The following USP26 variants were observed in gnomAD, a reference collection of about 807,000 sequenced individuals.
USP26 encodes the protein ubiquitin specific peptidase 26, also known as ubiquitin carboxyl-terminal hydrolase 26.
For synonymous variants in USP26, 236 were observed against 240.6 expected, an observed-to-expected ratio of 0.98 and a Z score of 0.18; for missense variants, 649 against 642.3, an observed-to-expected ratio of 1.01 and a Z score of -0.11.
intron 4 of USP26, among the ~76,000 whole-genome samples, chrX:133,084,814 A>G (rs2067583384): frequency 9.0e-6 from 1 of 111,051 alleles, no homozygotes; most frequent in African/African-American, 3.3e-5. Flanking sequence ...TTTAGTGGTG[A>G]TGTGTGAGAT....
At chrX:133,065,407 C>A (rs1052492242) in intron 5 of USP26, among the ~76,000 whole-genome samples, 1 of 111,665 alleles carries the variant, frequency 9.0e-6, no homozygotes, top group African/African-American at 3.3e-5. Flanking sequence ...ATACCAAAAC[C>A]TGGCAGAGAC....
At chrX:133,062,596 C>T (rs1000770046) in intron 5 of USP26, among the ~76,000 whole-genome samples, 4 of 111,723 alleles carry the variant, frequency 3.6e-5, no homozygotes, top group South Asian at 3.8e-4. Context: ...CTGTAGCCCC[C>T]GCTGGTAATA....
intron 5 of USP26, among the ~76,000 whole-genome samples, chrX:133,050,351 C>T (rs1383138117): frequency 8.9e-6 from 1 of 111,815 alleles, no homozygotes; most frequent in Non-Finnish European, 1.9e-5. Flanking sequence ...TCAATTTTAC[C>T]ATCTGGTTTC....
In USP26 at chrX:133,085,039, G is replaced by A. The variant is rs939836723; in HGVS notation, c.-141-1268C>T. 7.2e-5 allele frequency among the ~76,000 whole-genome samples: 8 copies of A among 111,166 alleles called. No homozygotes were observed. The South Asian group carries it at 1.1e-3, about 16-fold the overall frequency. ...TGCCCCCCAGGTCCAAGTGATTCTC[G>A]TGCCTCAGCCTCCCAAGTAGCTGGG... On this transcript the variant is annotated intron_variant, in intron 4 of 5. Transcript: ENST00000511190.
intron 4 of USP26, among the ~76,000 whole-genome samples, 198 bp downstream of exon 4, chrX:133,089,915 T>C (rs765526120): frequency 4.5e-5 from 5 of 111,475 alleles, no homozygotes; most frequent in Non-Finnish European, 9.4e-5. Flanking sequence ...TGCTTGAGCC[T>C]AGGAGTTTGA....
intron 5 of USP26, among the ~76,000 whole-genome samples, chrX:133,081,036 C>T (rs1439252538): frequency 6.3e-5 from 7 of 111,222 alleles, no homozygotes; most frequent in Non-Finnish European, 9.4e-5. Flanking sequence ...CTCACACACA[C>T]TTCCCCTTTA....
At chrX:133,053,916 G>C (rs1380678639) in intron 5 of USP26, among the ~76,000 whole-genome samples, 1 of 111,643 alleles carries the variant, frequency 9.0e-6, no homozygotes, top group Non-Finnish European at 1.9e-5. Context: ...CCTTAGCATT[G>C]GGCTAAGCCT....
intron 5 of USP26, among the ~76,000 whole-genome samples, chrX:133,062,912 G>A (rs1448950900): frequency 2.0e-4 from 22 of 110,957 alleles, no homozygotes; most frequent in Admixed American, 1.9e-3. Flanking sequence ...TTCAGAGGGC[G>A]GGTAATAACA....
intron 5 of USP26, among the ~76,000 whole-genome samples, chrX:133,056,218 A>G (rs769817500): frequency 1.8e-5 from 2 of 111,866 alleles, no homozygotes; most frequent in Non-Finnish European, 3.8e-5. Flanking sequence ...TGGCAATATT[A>G]GTTCAGGTAC....
chrX:133,046,183 G>A (rs1044064245), intron 5 of USP26, among the ~76,000 whole-genome samples: 1 of 111,589 alleles, frequency 9.0e-6, no homozygotes, highest in Non-Finnish European at 1.9e-5. Context: ...GGCCTCACAC[G>A]ACACAAGAGG....
At chrX:133,050,471 T>C (rs1344293554) in intron 5 of USP26, among the ~76,000 whole-genome samples, 2 of 112,407 alleles carry the variant, frequency 1.8e-5, no homozygotes, top group African/African-American at 6.5e-5. Flanking sequence ...AATGACCTAT[T>C]TGTGACCACT....
intron 5 of USP26, among the ~76,000 whole-genome samples, chrX:133,067,847 A>C (rs761092556): frequency 3.6e-5 from 4 of 111,970 alleles, no homozygotes; most frequent in Non-Finnish European, 7.5e-5. Context: ...TATGTGACGA[A>C]CCTGCACATT....
In USP26 at chrX:133,072,941, T is replaced by C. The variant is rs754307360; in HGVS notation, c.-77+10766A>G. 1.8e-4 allele frequency among the ~76,000 whole-genome samples: 20 copies of C among 112,466 alleles called. No homozygotes were observed. In the South Asian group the frequency reaches 7.1e-3, roughly 40 times the overall value. On this transcript the variant is annotated intron_variant, in intron 5 of 5. Coordinates refer to ENST00000511190, the MANE Select transcript of USP26 (RefSeq NM_031907.3). ...GTTTTACTGTTTTCACACTGCTTTATAAAATGATTTGGAATACAGTTTTCT... is the reference window on the plus strand; with the variant it reads ...GTTTTACTGTTTTCACACTGCTTTACAAAATGATTTGGAATACAGTTTTCT...
rs749101414 is a variant in USP26, at chrX:133,026,508, T to C, written c.1713A>G (p.Gln571=). The change falls in exon 6 of 6, where the codon CAA becomes CAG. Residue 571 remains glutamine (Q), a synonymous_variant. Transcript: ENST00000511190. ...LSEDGEITDF[Q]LLKVIRKMTS... is the part of the protein sequence containing the mutation. The stretch of plus-strand genomic sequence containing the variant: ...TCATCTTTCGAATAACTTTTAATAA[T>C]TGGAAATCTGTAATTTCTCCATCCT... 8.3e-6 allele frequency: 10 copies of C among 1,206,073 alleles called. No individual in the cohort carries two copies. Among genetic ancestry groups the C allele is most frequent in the African/African-American group, 1.8e-5 (1 of 56,166 alleles).
chrX:133,079,102 C>G (rs1183247869), intron 5 of USP26, among the ~76,000 whole-genome samples: 1 of 111,815 alleles, frequency 8.9e-6, no homozygotes, highest in Non-Finnish European at 1.9e-5. Flanking sequence ...ATGATCCTTA[C>G]CCAATCCTGA....
chrX:133,071,473 C>T (rs185064530), intron 5 of USP26, among the ~76,000 whole-genome samples: 93 of 109,875 alleles, frequency 8.5e-4, no homozygotes, highest in African/African-American at 3.1e-3. Context: ...TATCTCCTCC[C>T]ACCTCTTACA....
At chrX:133,053,420 C>T (rs940671724) in intron 5 of USP26, among the ~76,000 whole-genome samples, 2 of 109,157 alleles carry the variant, frequency 1.8e-5, no homozygotes, top group Non-Finnish European at 3.8e-5. Flanking sequence ...TGCCTGTAAT[C>T]CCAGCTACTC....
intron 5 of USP26, among the ~76,000 whole-genome samples, chrX:133,029,727 T>C (rs2067369450): frequency 8.9e-6 from 1 of 112,184 alleles, no homozygotes; most frequent in Non-Finnish European, 1.9e-5. Context: ...AATTATTATC[T>C]TCTTTCTATT....
At position 133,028,155 on chromosome X, in the gene USP26, T is replaced by C. The variant is rs773876568; in HGVS notation, c.66A>G (p.Ser22=). The part of the protein sequence containing the change: ...IGNCKTGISK[S]KEAFIEAVER... ...CCACTGCTTCAATGAATGCTTCTTTTGACTTAGATATCCCAGTCTTGCAGT... is the reference window on the plus strand; with the variant it reads ...CCACTGCTTCAATGAATGCTTCTTTCGACTTAGATATCCCAGTCTTGCAGT... Residue 22 remains serine, a synonymous_variant, in exon 6 of 6, where the codon TCA becomes TCG. Transcript: ENST00000511190. 2.1e-5 allele frequency: 26 copies of C among 1,209,466 alleles called. No individual in the cohort carries two copies. The highest frequency in any genetic ancestry group is 2.7e-5 in the Non-Finnish European group (24 of 894,577).
Sources: gnomAD v4.1 joint callset for allele counts (sites outside exome capture counted in the v4.1 genomes callset) on GRCh38, gnomAD v4.1.1 for gene constraint, MANE v1.5 for transcripts, NCBI Gene and HGNC (gene_info 2026-07-23, HGNC 2026-07-21) for gene names.